PRMT8: variants seen among roughly 807,000 people sequenced by gnomAD.
PRMT8 encodes protein arginine N-methyltransferase 8.
PRMT8 carries 7 observed loss-of-function variants against 47.1 expected under a neutral mutation model. The observed-to-expected ratio is 0.15, with a 90% CI of 0.08 to 0.28. PRMT8 has a LOEUF of 0.28. PRMT8 is among the 10% of genes least tolerant of loss of function. PRMT8 has a pLI of 1.00. For missense variants in PRMT8, 237 were observed against 505.4 expected, an observed-to-expected ratio of 0.47 and a Z score of 5.09; for synonymous variants, 188 against 186.5, an observed-to-expected ratio of 1.01 and a Z score of -0.07.
chr12:3,520,200 G>T (rs11062696), intron 1 of PRMT8, among the ~76,000 whole-genome samples: 26,797 of 152,212 alleles, frequency 0.18, 2,874 homozygotes, highest in Middle Eastern at 0.32. Context: ...CAGAAGGGGC[G>T]ATGTAAAATA....
chr12:3,592,426 C>G (rs750214317), intron 9 of PRMT8, 74 bp downstream of exon 9: 8 of 1,509,620 alleles, frequency 5.3e-6, no homozygotes, highest in Non-Finnish European at 7.1e-6. Context: ...CCCACTTGCC[C>G]GGGTTCTTAA....
At chr12:3,393,822 G>A (rs1394643677) in intron 1 of PRMT8, among the ~76,000 whole-genome samples, 1 of 126,358 alleles carries the variant, frequency 7.9e-6, no homozygotes, top group Non-Finnish European at 1.7e-5. Flanking sequence ...CCATTTTCAC[G>A]ATATTGATTC....
chr12:3,553,952 A>G (rs999129848), intron 4 of PRMT8, among the ~76,000 whole-genome samples: 13 of 152,120 alleles, frequency 8.5e-5, no homozygotes, highest in African/African-American at 3.1e-4. Context: ...GCTTGTAGCT[A>G]AATCCCGAGT....
At chr12:3,421,200 G>A (rs1387106231) in intron 1 of PRMT8, among the ~76,000 whole-genome samples, 1 of 152,188 alleles carries the variant, frequency 6.6e-6, no homozygotes, top group African/African-American at 2.4e-5. Context: ...GCATCGAGGA[G>A]CAGACATTTA....
chr12:3,419,769 C>T (rs1381212829), intron 1 of PRMT8, among the ~76,000 whole-genome samples: 8 of 151,868 alleles, frequency 5.3e-5, no homozygotes, highest in Admixed American at 3.9e-4. Context: ...TCAATGGCCT[C>T]GAGTTAAATG....
chr12:3,444,002 C>CT (rs1308624763), intron 1 of PRMT8, among the ~76,000 whole-genome samples: 3 of 152,236 alleles, frequency 2.0e-5, no homozygotes, highest in African/African-American at 7.2e-5. Flanking sequence ...AAGGCTCTCC[C>CT]TGCCATTCAC....
intron 1 of PRMT8, among the ~76,000 whole-genome samples, chr12:3,413,356 G>A (rs1864451421): frequency 2.0e-5 from 3 of 152,192 alleles, no homozygotes; most frequent in Admixed American, 6.5e-5. Context: ...CAGCCATGTG[G>A]AACTGTGAGT....
chr12:3,525,278 TG>T (rs1865936372), intron 1 of PRMT8, among the ~76,000 whole-genome samples: 1 of 152,038 alleles, frequency 6.6e-6, no homozygotes, highest in South Asian at 2.1e-4. Context: ...AGTCTCTAGG[TG>T]GAAACCCTTA....
intron 8 of PRMT8, among the ~76,000 whole-genome samples, chr12:3,584,264 T>G (rs1353620739): frequency 6.6e-6 from 1 of 152,222 alleles, no homozygotes; most frequent in Non-Finnish European, 1.5e-5. Flanking sequence ...CCTAATTGCC[T>G]CTTCTAAGGA....
intron 8 of PRMT8, among the ~76,000 whole-genome samples, chr12:3,586,376 T>C (rs1867173558): frequency 6.6e-6 from 1 of 152,180 alleles, no homozygotes; most frequent in Admixed American, 6.5e-5. Flanking sequence ...ACCACAGTCC[T>C]ACGTGGCTCA....
In PRMT8 at chr12:3,483,388, C is replaced by T. The variant is rs1402181675; in HGVS notation, c.49-57218C>T. Among the ~76,000 whole-genome samples the T allele has an allele frequency of 2.0e-5, 3 of 152,248 alleles. No individual in the cohort carries two copies. The East Asian group carries it at 5.8e-4, about 29-fold the overall frequency. On this transcript the variant is annotated intron_variant, in intron 1 of 9. Coordinates refer to the PRMT8 transcript ENST00000452611. ...GGAAATAAATGGATACCTGGAAGAT[C>T]CAAGAAATGGAAACCACTCTTCTCT...
chr12:3,551,217 C>T (rs1398014918), intron 3 of PRMT8: 2 of 152,278 alleles, frequency 1.3e-5, no homozygotes, highest in Non-Finnish European at 2.9e-5. Context: ...ACCCTTGGGC[C>T]ATGGCTGCCG....
chr12:3,408,226 CTCTTT>C (rs563924560), intron 1 of PRMT8, among the ~76,000 whole-genome samples: 70 of 148,924 alleles, frequency 4.7e-4, no homozygotes, highest in Non-Finnish European at 7.9e-4. Context: ...TTCCTATCCT[CTCTTT>C]TCTTTTCTTT....
At chr12:3,394,472 G>A (rs1327487583) in intron 1 of PRMT8, among the ~76,000 whole-genome samples, 1 of 152,048 alleles carries the variant, frequency 6.6e-6, no homozygotes, top group Non-Finnish European at 1.5e-5. Flanking sequence ...AGATAATCAT[G>A]TGGTTTTTGT....
At chr12:3,526,902 C>T (rs1009179177) in intron 1 of PRMT8, among the ~76,000 whole-genome samples, 1 of 152,142 alleles carries the variant, frequency 6.6e-6, no homozygotes, top group Non-Finnish European at 1.5e-5. Flanking sequence ...AATAGAATGG[C>T]ATATGGCTGT....
chr12:3,465,413 G>T (rs2137091121), intron 1 of PRMT8, among the ~76,000 whole-genome samples: 1 of 151,848 alleles, frequency 6.6e-6, no homozygotes, highest in Admixed American at 6.6e-5. Context: ...TGTGCAAACT[G>T]TCCACTGGAA....
At chr12:3,467,214 TGGGCGACAGAGCAAGAC>T (rs1192769155) in intron 1 of PRMT8, among the ~76,000 whole-genome samples, 1 of 110,972 alleles carries the variant, frequency 9.0e-6, no homozygotes, top group Non-Finnish European at 1.7e-5. Flanking sequence ...CACTCCAGCC[TGGGCGACAGAGCAAGAC>T]TCCATCTCAA....
At chr12:3,450,831 A>C (rs1418671791) in intron 1 of PRMT8, among the ~76,000 whole-genome samples, 1 of 152,226 alleles carries the variant, frequency 6.6e-6, no homozygotes, top group African/African-American at 2.4e-5. Flanking sequence ...GGACATTTCC[A>C]AGTGAAATTG....
At position 3,593,324 on chromosome 12, in the gene PRMT8, C is replaced by T; in HGVS notation, c.*142C>T. On this transcript the variant is annotated 3_prime_UTR_variant, in exon 10 of 10. Coordinates refer to ENST00000382622, the MANE Select transcript of PRMT8 (RefSeq NM_019854.5). This position sits in a 1 kb window ranked among gnomAD's most constrained non-coding sequence, Gnocchi z 4.8. ...CTGCCTTGAAGATTGGTGAACTCCC[C>T]AGGGCTCCCGTGGGCTCTGCCACTG... The T allele has an allele frequency of 1.4e-6, 1 of 693,088 alleles. No homozygotes were observed. The highest frequency in any genetic ancestry group is 2.4e-6 in the Non-Finnish European group (1 of 416,754). The allele number at this position is 693,088 out of a possible 1,614,324, so 42.9% of individuals were successfully genotyped here.
Sources: allele counts gnomAD v4.1 joint callset (sites outside exome capture counted in the v4.1 genomes callset), GRCh38; gene constraint gnomAD v4.1.1; non-coding constraint Gnocchi (gnomAD v3.1); transcripts MANE v1.5; gene names NCBI Gene and HGNC (gene_info 2026-07-23, HGNC 2026-07-21).